SSBP3: variants seen among roughly 807,000 people sequenced by gnomAD.
The protein encoded by SSBP3 is single stranded DNA binding protein 3, also known as single-stranded DNA-binding protein 3.
SSBP3 carries 5 observed loss-of-function variants against 69.6 expected under a neutral mutation model. The observed-to-expected ratio is 0.07, with a 90% CI of 0.04 to 0.15. The LOEUF is 0.15. SSBP3 is among the 10% of genes least tolerant of loss of function. The pLI is 1.00. For synonymous variants in SSBP3, 196 were observed against 193.4 expected (o/e 1.01, Z -0.11); for missense variants, 312 against 534.0 (o/e 0.58, Z 4.10).
At chr1:54,299,298 T>C (rs1209785744) in intron 4 of SSBP3, among the ~76,000 whole-genome samples, 1 of 152,156 alleles carries the variant, frequency 6.6e-6, no homozygotes, top group Non-Finnish European at 1.5e-5. Flanking sequence ...CTGCCCTGCA[T>C]GCTTGATCCT....
In SSBP3 at chr1:54,249,056, C is replaced by T. The variant is rs138297358; in HGVS notation, c.651+2560G>A. Among the ~76,000 whole-genome samples, 15 of 152,172 alleles carry T rather than the reference C, an allele frequency of 9.9e-5. No homozygotes were observed. The East Asian group carries it at 2.3e-3, about 24-fold the overall frequency. ...GAGAGTCTCACTGCAGGGCCTCAGC[C>T]GCTGGGACCCTCACTTCTTTAAAGT... On this transcript the variant is annotated intron_variant, in intron 9 of 17. Transcript: ENST00000610401.
intron 4 of SSBP3, among the ~76,000 whole-genome samples, chr1:54,333,206 C>T (rs1267750916): frequency 6.6e-6 from 1 of 152,160 alleles, no homozygotes; most frequent in African/African-American, 2.4e-5. Flanking sequence ...ACCTTGCATA[C>T]CCCACAGAAT....
chr1:54,396,294 G>A (rs796730972), intron 4 of SSBP3, among the ~76,000 whole-genome samples: 3 of 150,964 alleles, frequency 2.0e-5, no homozygotes, highest in African/African-American at 7.3e-5. Context: ...CCAGCAACAT[G>A]TATTAAAGAA....
chr1:54,339,983 C>A (rs1009461863), intron 4 of SSBP3, among the ~76,000 whole-genome samples: 11 of 152,070 alleles, frequency 7.2e-5, no homozygotes, highest in Non-Finnish European at 1.5e-4. Context: ...GCATCATATA[C>A]TAATGCTGGA....
At chr1:54,257,812 AC>A (rs1644948824) in intron 6 of SSBP3, among the ~76,000 whole-genome samples, 1 of 152,222 alleles carries the variant, frequency 6.6e-6, no homozygotes, top group Admixed American at 6.5e-5. Flanking sequence ...AGAGGAAAAA[AC>A]AAAAACGCAA....
intron 4 of SSBP3, among the ~76,000 whole-genome samples, chr1:54,337,518 G>A (rs991063876): frequency 3.5e-4 from 17 of 48,016 alleles, no homozygotes; most frequent in Non-Finnish European, 9.6e-5. Flanking sequence ...TTTTTTTTGA[G>A]ATGGAGTCTC....
At chr1:54,404,500 C>G in intron 3 of SSBP3, 76 bp downstream of exon 3, 1 of 1,566,682 alleles carries the variant, frequency 6.4e-7, no homozygotes, top group South Asian at 1.1e-5. Context: ...CTGCTCCAAG[C>G]CTCCCTTCTT....
chr1:54,342,395 T>C (rs1646624665), intron 4 of SSBP3, among the ~76,000 whole-genome samples: 1 of 152,142 alleles, frequency 6.6e-6, no homozygotes, highest in South Asian at 2.1e-4. Flanking sequence ...AGGAGATGGG[T>C]GGATCAATAG....
At chr1:54,391,591 A>G (rs1216451981) in intron 4 of SSBP3, among the ~76,000 whole-genome samples, 1 of 152,256 alleles carries the variant, frequency 6.6e-6, no homozygotes, top group African/African-American at 2.4e-5. Flanking sequence ...GGAAAGAAGG[A>G]TCAGAGGAAA....
At chr1:54,378,129 T>C (rs1406259348) in intron 4 of SSBP3, among the ~76,000 whole-genome samples, 1 of 152,118 alleles carries the variant, frequency 6.6e-6, no homozygotes, top group Non-Finnish European at 1.5e-5. Flanking sequence ...CCTCTGGCCA[T>C]CAGCTTAGAA....
chr1:54,334,349 C>A (rs1247403977), intron 4 of SSBP3, among the ~76,000 whole-genome samples: 1 of 131,002 alleles, frequency 7.6e-6, no homozygotes. Context: ...AAGACTCCCT[C>A]TCAATAAATA....
At chr1:54,369,443 G>A (rs1443640404) in intron 4 of SSBP3, among the ~76,000 whole-genome samples, 1 of 152,182 alleles carries the variant, frequency 6.6e-6, no homozygotes, top group Non-Finnish European at 1.5e-5. Context: ...CCAAGGTCAA[G>A]AATATCCACG....
At chr1:54,318,633 C>A (rs1403686440) in intron 4 of SSBP3, among the ~76,000 whole-genome samples, 1 of 152,116 alleles carries the variant, frequency 6.6e-6, no homozygotes. Flanking sequence ...GAGCTGGAGG[C>A]ACAGGCTGTA....
intron 4 of SSBP3, among the ~76,000 whole-genome samples, chr1:54,303,858 A>G (rs1188591033): frequency 6.6e-6 from 1 of 152,246 alleles, no homozygotes; most frequent in Non-Finnish European, 1.5e-5. Context: ...GGTCATAATT[A>G]AAGTATATTA....
At chr1:54,244,506 G>A (rs1043249894) in intron 9 of SSBP3, among the ~76,000 whole-genome samples, 8 of 152,072 alleles carry the variant, frequency 5.3e-5, no homozygotes, top group East Asian at 1.9e-4. Context: ...TTCAGCCTCC[G>A]AAAGTATCAG....
Position 54,310,255 on chromosome 1 carries a change from T to C in SSBP3, c.277-28728A>G, listed in dbSNP as rs370707887. 1.1e-3 allele frequency among the ~76,000 whole-genome samples: 161 copies of C among 152,292 alleles called. 3 individuals carry two copies. The South Asian group carries it at 0.026, about 25-fold the overall frequency. On this transcript the variant is annotated intron_variant, in intron 4 of 17. Coordinates refer to ENST00000610401, the Ensembl canonical transcript of SSBP3. ...CCTCTCTGGGATGATTCTTCAACTC[T>C]CAGCCAGGCTTTCTTCTCTCTCCCC... is the stretch of plus-strand genomic sequence containing the variant.
intron 4 of SSBP3, among the ~76,000 whole-genome samples, chr1:54,346,542 C>T (rs147821205): frequency 4.2e-4 from 64 of 152,164 alleles, no homozygotes; most frequent in African/African-American, 1.4e-3. Context: ...TGGCTAGGCG[C>T]GGTGGCTCAC....
chr1:54,404,761 A>T (rs1649573448), intron 2 of SSBP3, 97 bp downstream of exon 2: 1 of 1,037,022 alleles, frequency 9.6e-7, no homozygotes, highest in Non-Finnish European at 1.4e-6. Flanking sequence ...AAAATTCAAA[A>T]TGGTGGCCAC....
intron 4 of SSBP3, among the ~76,000 whole-genome samples, chr1:54,384,541 G>A (rs999259024): frequency 1.3e-5 from 2 of 152,226 alleles, no homozygotes. Context: ...ATTATTAGAA[G>A]CATCTTAGAA....
Sources: gnomAD v4.1 joint callset for allele counts (sites outside exome capture counted in the v4.1 genomes callset) on GRCh38, gnomAD v4.1.1 for gene constraint, MANE v1.5 for transcripts, NCBI Gene and HGNC (gene_info 2026-07-23, HGNC 2026-07-21) for gene names.